Variants in ATF6 observed in about 807,000 individuals in gnomAD.
The protein encoded by ATF6 is activating transcription factor 6.
A neutral mutation model predicts 83.6 loss-of-function variants in ATF6; 53 were observed. That is an observed-to-expected ratio of 0.63 (90% CI 0.51 to 0.80). The LOEUF is 0.80. ATF6 is among the 30% of genes least tolerant of loss of function. The pLI, the probability that ATF6 is intolerant of heterozygous loss-of-function variation, is 0.00. For synonymous variants in ATF6, 288 were observed against 285.8 expected (o/e 1.01, Z -0.08); for missense variants, 744 against 797.9 (o/e 0.93, Z 0.81).
chr1:161,897,514 A>G (rs1687699509), intron 14 of ATF6, among the ~76,000 whole-genome samples: 2 of 152,228 alleles, frequency 1.3e-5, no homozygotes, highest in Admixed American at 1.3e-4. Context: ...AAGAACTGCT[A>G]CATAGATTTG....
intron 7 of ATF6, among the ~76,000 whole-genome samples, chr1:161,810,216 A>G (rs1398366082): frequency 6.6e-6 from 1 of 152,186 alleles, no homozygotes; most frequent in Non-Finnish European, 1.5e-5. Context: ...TAATTGTCTC[A>G]TGGTTCTGCA....
intron 14 of ATF6, among the ~76,000 whole-genome samples, chr1:161,874,642 G>A (rs1687173385): frequency 6.6e-6 from 1 of 151,574 alleles, no homozygotes; most frequent in African/African-American, 2.4e-5. Flanking sequence ...GAGAGGGTCA[G>A]TGTCACATAT....
chr1:161,828,239 G>T, intron 9 of ATF6, among the ~76,000 whole-genome samples: 1 of 151,588 alleles, frequency 6.6e-6, no homozygotes, highest in East Asian at 1.9e-4. Context: ...TTGGCAATAT[G>T]GTAGGCTAAA....
intron 10 of ATF6, among the ~76,000 whole-genome samples, chr1:161,847,778 T>C (rs1449303591): frequency 6.6e-6 from 1 of 152,116 alleles, no homozygotes. Flanking sequence ...TCTAATAGCC[T>C]TTGGATTTAC....
rs1413124553 is a variant in ATF6, at chr1:161,962,199, G to A, written c.*3545G>A. 1 of 152,058 alleles carries A rather than the reference G, an allele frequency of 6.6e-6. No individual in the cohort carries two copies. The highest frequency in any genetic ancestry group is 1.5e-5 in the Non-Finnish European group (1 of 68,030). 9.4% of individuals were successfully genotyped at this position (152,058 alleles called of 1,614,324 possible). ...TGCCATTTCTTGCCAGTAAGAAGTTGACACGGAGGTATTTGAAAGCAATGT... is the reference window on the plus strand; with the variant it reads ...TGCCATTTCTTGCCAGTAAGAAGTTAACACGGAGGTATTTGAAAGCAATGT... On this transcript the variant is annotated 3_prime_UTR_variant, in exon 16 of 16. Coordinates refer to ENST00000367942, the MANE Select transcript of ATF6 (RefSeq NM_007348.4).
intron 7 of ATF6, among the ~76,000 whole-genome samples, chr1:161,805,723 C>T (rs1387769597): frequency 6.6e-6 from 1 of 151,516 alleles, no homozygotes; most frequent in Non-Finnish European, 1.5e-5. Flanking sequence ...ATATAAATTC[C>T]TAATTTAAAA....
intron 15 of ATF6, among the ~76,000 whole-genome samples, chr1:161,943,935 G>A (rs571702370): frequency 2.0e-5 from 3 of 152,274 alleles, no homozygotes; most frequent in Admixed American, 2.0e-4. Context: ...TGAGGGTAGG[G>A]CTTTCATCTG....
At chr1:161,774,939 C>T (rs1287491223) in intron 1 of ATF6, among the ~76,000 whole-genome samples, 2 of 152,088 alleles carry the variant, frequency 1.3e-5, no homozygotes, top group Non-Finnish European at 2.9e-5. Context: ...GTCTTTTATT[C>T]GACAAGATGA....
intron 10 of ATF6, 144 bp downstream of exon 10, chr1:161,846,724 AT>A: frequency 1.3e-6 from 1 of 789,024 alleles, no homozygotes; most frequent in Non-Finnish European, 1.7e-6. Flanking sequence ...CCATTAATAC[AT>A]TTTACTTTTA....
At chr1:161,849,990 G>A (rs1686577479) in intron 10 of ATF6, among the ~76,000 whole-genome samples, 1 of 151,974 alleles carries the variant, frequency 6.6e-6, no homozygotes, top group Non-Finnish European at 1.5e-5. Context: ...CCCCAAAATT[G>A]TCTTGAATTG....
chr1:161,892,945 C>CT (rs1687589449), intron 14 of ATF6, among the ~76,000 whole-genome samples: 5 of 151,856 alleles, frequency 3.3e-5, no homozygotes. Context: ...GCGGGTCATT[C>CT]TTTAAAGACC....
rs555425639 is a variant in ATF6 at position 161,842,771 on chromosome 1, ATAATTAT to A, written c.1188-3673_1188-3667del. On this transcript the variant is annotated intron_variant, in intron 9 of 15. Transcript: ENST00000367942. ...TGGAAATAAAAAATTTTAAAAAAAG[ATAATTAT>A]TAATCCAGTTTTTGGTGAATCAGTG... Among the ~76,000 whole-genome samples the A allele has an allele frequency of 8.2e-4, 125 of 152,338 alleles. 1 individual carries two copies. The highest frequency in any genetic ancestry group is 2.9e-3 in the African/African-American group (122 of 41,580).
chr1:161,810,211 G>A (rs192220635), intron 7 of ATF6, among the ~76,000 whole-genome samples: 5 of 152,122 alleles, frequency 3.3e-5, no homozygotes, highest in East Asian at 1.9e-4. Flanking sequence ...AGGTTTAATT[G>A]TCTCATGGTT....
In ATF6 at chr1:161,962,261, G is replaced by C. The variant is rs1689115565; in HGVS notation, c.*3607G>C. 1 of 152,100 alleles carries C rather than the reference G, an allele frequency of 6.6e-6. No individual in the cohort carries two copies. The highest frequency in any genetic ancestry group is 1.5e-5 in the Non-Finnish European group (1 of 68,014). 9.4% of individuals were successfully genotyped at this position (152,100 alleles called of 1,614,324 possible). ...TTCTTAAGTGTTCCAAGTAAGTTTA[G>C]AAACAGAAAAGGAACTTGGGATTCA... On this transcript the variant is annotated 3_prime_UTR_variant, in exon 16 of 16. Transcript: ENST00000367942.
chr1:161,840,096 C>G (rs893353883), intron 9 of ATF6: 3 of 152,208 alleles, frequency 2.0e-5, no homozygotes, highest in African/African-American at 7.2e-5. Flanking sequence ...GTGTCCTGCT[C>G]TGTGTCATCT....
At chr1:161,922,907 T>C (rs1688241240) in intron 15 of ATF6, among the ~76,000 whole-genome samples, 1 of 152,092 alleles carries the variant, frequency 6.6e-6, no homozygotes, top group African/African-American at 2.4e-5. Flanking sequence ...GGGAAGGTGC[T>C]GAGGAGTTTG....
At chr1:161,907,530 C>T (rs2101884810) in intron 14 of ATF6, among the ~76,000 whole-genome samples, 1 of 152,018 alleles carries the variant, frequency 6.6e-6, no homozygotes, top group Admixed American at 6.5e-5. Flanking sequence ...TGCTCAGTGT[C>T]ACAAGTGCAG....
At chr1:161,890,345 A>G (rs2101868160) in intron 14 of ATF6, among the ~76,000 whole-genome samples, 1 of 152,362 alleles carries the variant, frequency 6.6e-6, no homozygotes, top group East Asian at 1.9e-4. Context: ...CTACGGAGAA[A>G]GCAAGGGTTA....
intron 2 of ATF6, among the ~76,000 whole-genome samples, chr1:161,780,664 C>G (rs1459736991): frequency 6.6e-6 from 1 of 152,064 alleles, no homozygotes; most frequent in African/African-American, 2.4e-5. Context: ...TGAGCCACTG[C>G]ACCCGGCCGA....
Sources: allele counts gnomAD v4.1 joint callset (sites outside exome capture counted in the v4.1 genomes callset), GRCh38; gene constraint gnomAD v4.1.1; transcripts MANE v1.5; gene names NCBI Gene and HGNC (gene_info 2026-07-23, HGNC 2026-07-21).